NCKAP5: variants seen among roughly 807,000 people sequenced by gnomAD.
The protein encoded by NCKAP5 is nck-associated protein 5.
Under a neutral mutation model 167.0 loss-of-function variants are expected in NCKAP5, and 92 were observed. The observed-to-expected ratio is 0.55, with a 90% CI of 0.47 to 0.66. NCKAP5 has a LOEUF of 0.66. NCKAP5 is among the 30% of genes least tolerant of loss of function. NCKAP5 has a pLI of 0.00. For missense variants in NCKAP5, 2,378 were observed against 2,315.0 expected, an observed-to-expected ratio of 1.03 and a Z score of -0.56; for synonymous variants, 891 against 877.4, an observed-to-expected ratio of 1.02 and a Z score of -0.27.
intron 6 of NCKAP5, among the ~76,000 whole-genome samples, chr2:133,104,512 A>G (rs1444705098): frequency 6.6e-6 from 1 of 152,234 alleles, no homozygotes; most frequent in African/African-American, 2.4e-5. Flanking sequence ...TGGAAATGAC[A>G]TTGGCATCAG....
intron 3 of NCKAP5, among the ~76,000 whole-genome samples, chr2:133,315,676 C>T (rs2150639432): frequency 6.6e-6 from 1 of 150,860 alleles, no homozygotes; most frequent in South Asian, 2.1e-4. Flanking sequence ...GAGGGAGGAA[C>T]AGGAGAAGGT....
intron 9 of NCKAP5, among the ~76,000 whole-genome samples, chr2:132,873,360 G>T (rs560101197): frequency 1.3e-5 from 2 of 152,072 alleles, no homozygotes; most frequent in Non-Finnish European, 2.9e-5. Context: ...TGATCCGCCC[G>T]CCTCGGCCTC....
At chr2:132,933,478 G>A (rs750312459) in intron 8 of NCKAP5, among the ~76,000 whole-genome samples, 2 of 152,144 alleles carry the variant, frequency 1.3e-5, no homozygotes, top group Non-Finnish European at 2.9e-5. Flanking sequence ...TTTCAGGTAG[G>A]AATCCAAGGG....
chr2:133,578,364 C>G, the NCKAP5 span, among the ~76,000 whole-genome samples: 1 of 152,168 alleles, frequency 6.6e-6, no homozygotes, highest in Non-Finnish European at 1.5e-5. Context: ...CCGTGTTGAG[C>G]CTTTCTGGGA....
chr2:133,006,726 G>C (rs772802874), intron 6 of NCKAP5, among the ~76,000 whole-genome samples: 1 of 152,046 alleles, frequency 6.6e-6, no homozygotes, highest in Admixed American at 6.6e-5. Flanking sequence ...GTAAGTAGCC[G>C]GTGTTAATCT....
rs187003516 is a variant in NCKAP5, at chr2:133,370,878, T to C, written c.70-67768A>G. 4.4e-3 allele frequency among the ~76,000 whole-genome samples: 668 copies of C among 152,220 alleles called. 5 individuals carry two copies. Among genetic ancestry groups the C allele is most frequent in the African/African-American group, 0.015 (628 of 41,534 alleles). ...GGCCCTACTTAGAAGTTATGGGATA[T>C]GACAAAGGGAGTGTTGCAGGTCTTC... On this transcript the variant is annotated intron_variant, in intron 3 of 19. Transcript: ENST00000409261.
At chr2:132,932,902 C>T (rs1696506511) in intron 8 of NCKAP5, among the ~76,000 whole-genome samples, 1 of 147,978 alleles carries the variant, frequency 6.8e-6, no homozygotes, top group Non-Finnish European at 1.5e-5. Flanking sequence ...TTAGGCAAAT[C>T]TTTCCTGATT....
chr2:132,876,804 G>A (rs1159295301), intron 9 of NCKAP5, among the ~76,000 whole-genome samples: 2 of 152,222 alleles, frequency 1.3e-5, no homozygotes, highest in Admixed American at 1.3e-4. Flanking sequence ...AAATGATTTT[G>A]TGGATAACTT....
At chr2:133,607,925 A>C in the NCKAP5 span, among the ~76,000 whole-genome samples, 1 of 152,026 alleles carries the variant, frequency 6.6e-6, no homozygotes, top group Admixed American at 6.6e-5. Context: ...AGCTCTTAAC[A>C]TGATAGTCCA....
At chr2:133,458,161 C>T (rs966957710) in intron 3 of NCKAP5, among the ~76,000 whole-genome samples, 2 of 152,152 alleles carry the variant, frequency 1.3e-5, no homozygotes, top group African/African-American at 4.8e-5. Flanking sequence ...TGGGTCCATC[C>T]ATTGTCACTG....
chr2:132,780,974 C>A, intron 15 of NCKAP5, 78 bp downstream of exon 15: 1 of 1,422,328 alleles, frequency 7.0e-7, no homozygotes. Context: ...CATACATTTT[C>A]ATTAGCAAAC....
chr2:133,571,899 G>C (rs1257055462), upstream of NCKAP5, among the ~76,000 whole-genome samples: 1 of 151,788 alleles, frequency 6.6e-6, no homozygotes, highest in Non-Finnish European at 1.5e-5. Context: ...AAAGCCCAGT[G>C]AGGAGGCGGA....
intron 6 of NCKAP5, among the ~76,000 whole-genome samples, chr2:133,065,078 T>C (rs974112485): frequency 5.9e-5 from 9 of 152,198 alleles, no homozygotes; most frequent in African/African-American, 2.2e-4. Context: ...TTTAAAGTGT[T>C]GATTGCCTGT....
At chr2:133,432,278 T>C (rs980935827) in intron 3 of NCKAP5, among the ~76,000 whole-genome samples, 1 of 152,216 alleles carries the variant, frequency 6.6e-6, no homozygotes, top group African/African-American at 2.4e-5. Context: ...TCATTATTAA[T>C]AATCTGTTTC....
intron 2 of NCKAP5, among the ~76,000 whole-genome samples, chr2:133,533,121 G>A (rs1685494211): frequency 6.6e-6 from 1 of 152,176 alleles, no homozygotes; most frequent in African/African-American, 2.4e-5. Context: ...TGAGTAATTG[G>A]GCTAAGTCAG....
chr2:133,442,608 C>T (rs1333069855), intron 3 of NCKAP5, among the ~76,000 whole-genome samples: 2 of 152,174 alleles, frequency 1.3e-5, no homozygotes, highest in East Asian at 1.9e-4. Context: ...AGGCTATTGC[C>T]CCAGGGCTGA....
At chr2:132,727,365 A>G (rs1458756796) in intron 18 of NCKAP5, among the ~76,000 whole-genome samples, 5 of 152,176 alleles carry the variant, frequency 3.3e-5, no homozygotes, top group Non-Finnish European at 7.3e-5. Flanking sequence ...TCAATTTGCC[A>G]GTTTCCCAAT....
intron 3 of NCKAP5, among the ~76,000 whole-genome samples, chr2:133,378,796 TG>T (rs1329390566): frequency 1.3e-5 from 2 of 152,240 alleles, no homozygotes; most frequent in Non-Finnish European, 2.9e-5. Flanking sequence ...ACATATTAAA[TG>T]TAAAACCTAA....
intron 5 of NCKAP5, among the ~76,000 whole-genome samples, chr2:133,134,496 CAT>C (rs1277058935): frequency 6.6e-6 from 1 of 152,168 alleles, no homozygotes. Flanking sequence ...CAGTAACACA[CAT>C]GTTATACCAG....
Sources: allele counts gnomAD v4.1 joint callset (sites outside exome capture counted in the v4.1 genomes callset), GRCh38; gene constraint gnomAD v4.1.1; transcripts MANE v1.5; gene names NCBI Gene and HGNC (gene_info 2026-07-23, HGNC 2026-07-21).